The following INSR variants were observed in gnomAD, a reference collection of about 807,000 sequenced individuals.
The protein encoded by INSR is IR.
In INSR, 67 loss-of-function variants were observed where a neutral mutation model predicts 142.6. The ratio of observed to expected loss-of-function variants is 0.47; its 90% confidence interval spans 0.39 to 0.58. INSR has a LOEUF of 0.58. INSR is among the 20% of genes least tolerant of loss of function. The pLI, the probability that INSR is intolerant of heterozygous loss-of-function variation, is 0.00. For synonymous variants in INSR, 756 were observed against 743.1 expected (o/e 1.02, Z -0.28); for missense variants, 1,248 against 1,833.2 (o/e 0.68, Z 5.83).
At chr19:7,292,026 C>G (rs1348679032) in intron 1 of INSR, among the ~76,000 whole-genome samples, 1 of 151,826 alleles carries the variant, frequency 6.6e-6, no homozygotes, top group Non-Finnish European at 1.5e-5. Flanking sequence ...ATCTCCTGAA[C>G]TGGTGATCCA....
intron 2 of INSR, among the ~76,000 whole-genome samples, chr19:7,243,240 T>TC (rs1976420450): frequency 9.0e-6 from 1 of 111,608 alleles, no homozygotes; most frequent in African/African-American, 4.4e-5. Context: ...TTTGGTTTTT[T>TC]TTTTTTTTTT....
chr19:7,173,650 C>T (rs1378140282), intron 4 of INSR, among the ~76,000 whole-genome samples: 1 of 100,220 alleles, frequency 1.0e-5, no homozygotes, highest in African/African-American at 4.1e-5. Context: ...GATGGAGTCT[C>T]ACTCTGTCGC....
intron 1 of INSR, among the ~76,000 whole-genome samples, chr19:7,269,038 C>CCACACACACCCA (rs1555690133): frequency 6.8e-5 from 10 of 146,846 alleles, no homozygotes; most frequent in Non-Finnish European, 9.0e-5. Context: ...ACCCACACAC[C>CCACACACACCCA]CACACACACA....
intron 3 of INSR, among the ~76,000 whole-genome samples, chr19:7,182,289 G>A (rs1029641855): frequency 2.0e-5 from 3 of 151,894 alleles, no homozygotes; most frequent in South Asian, 2.1e-4. Context: ...AGCCAAGATC[G>A]CACCATTGCA....
chr19:7,162,953 C>G, intron 9 of INSR, 79 bp downstream of exon 9: 1 of 1,415,988 alleles, frequency 7.1e-7, no homozygotes, highest in Admixed American at 1.7e-5. Context: ...GAGATAGCTG[C>G]TTCCCTAGAG....
Position 7,159,790 on chromosome 19 carries a change from C to G in INSR, c.2029+3242G>C, listed in dbSNP as rs765576180. The G allele has an allele frequency of 2.6e-5, 4 of 152,264 alleles. No homozygotes were observed. The highest frequency in any genetic ancestry group is 4.4e-5 in the Non-Finnish European group (3 of 68,104). The allele number at this position is 152,264 out of a possible 1,614,324, so 9.4% of individuals were successfully genotyped here. A position where few individuals can be genotyped will look rare whatever the true frequency, so the allele number is the denominator to read the frequency against. Reference sequence around the variant, plus strand: ...ATCATCTGTCCTCCCGCCCCTTCTCCCAAAAAGGAGGCAGACGGTGACTTG... The same window carrying G: ...ATCATCTGTCCTCCCGCCCCTTCTCGCAAAAAGGAGGCAGACGGTGACTTG... On this transcript the variant is annotated intron_variant, in intron 9 of 21. Transcript: ENST00000302850. The surrounding 1 kb of genome is among the most constrained non-coding windows in gnomAD (Gnocchi z 4.3).
chr19:7,277,178 C>T (rs554017392), intron 1 of INSR, among the ~76,000 whole-genome samples: 15 of 152,282 alleles, frequency 9.9e-5, no homozygotes, highest in Admixed American at 8.5e-4. Flanking sequence ...GAAATTAGAG[C>T]TTGGACACAC....
intron 2 of INSR, among the ~76,000 whole-genome samples, chr19:7,260,537 C>T (rs1003674796): frequency 7.9e-5 from 12 of 152,188 alleles, no homozygotes; most frequent in Non-Finnish European, 1.5e-5. Flanking sequence ...ACCCATCCCT[C>T]ATCAGCAGGT....
chr19:7,173,412 A>G lies in INSR; in HGVS notation c.1124-978T>C, dbSNP rs531522470. 7.0e-4 allele frequency among the ~76,000 whole-genome samples: 106 copies of G among 150,970 alleles called. 1 individual carries two copies. Among genetic ancestry groups the G allele is most frequent in the Non-Finnish European group, 1.5e-5 (1 of 67,714 alleles). On this transcript the variant is annotated intron_variant, in intron 4 of 21. Coordinates refer to ENST00000302850, the MANE Select transcript of INSR (RefSeq NM_000208.4). ...CGGCTCACTGCAACCTCTGCCTCCC[A>G]GGTTCAAGTGATTCTCCTGCCTCAG...
intron 2 of INSR, among the ~76,000 whole-genome samples, chr19:7,219,085 G>A (rs949641987): frequency 6.6e-6 from 1 of 152,192 alleles, no homozygotes; most frequent in African/African-American, 2.4e-5. Flanking sequence ...GTGGTTTTCA[G>A]ACATATTTAA....
chr19:7,119,651 AACAC>A lies in INSR; in HGVS notation c.3660-72_3660-69del, dbSNP rs4031067. On this transcript the variant is annotated intron_variant, in intron 20 of 21. Transcript: ENST00000302850. The surrounding 1 kb of genome is among the most constrained non-coding windows in gnomAD (Gnocchi z 5.2). ...ACACACACACACACGCGCGCGCGCAAACACACACACGCAAACGCACACACACACG... is the reference window on the plus strand; with the variant it reads ...ACACACACACACACGCGCGCGCGCAAACACACGCAAACGCACACACACACG... The A allele has an allele frequency of 1.4e-6, 2 of 1,479,080 alleles. No individual in the cohort carries two copies. Among genetic ancestry groups the A allele is most frequent in the Middle Eastern group, 2.2e-4 (1 of 4,554 alleles). 91.6% of individuals were successfully genotyped at this position (1,479,080 alleles called of 1,614,324 possible).
chr19:7,117,992 GA>G, intron 21 of INSR, among the ~76,000 whole-genome samples: 1 of 150,074 alleles, frequency 6.7e-6, no homozygotes, highest in Non-Finnish European at 1.5e-5. Context: ...TTGCAGCCTT[GA>G]ACTCCTGGGC....
At chr19:7,140,645 G>A (rs1973045966) in intron 13 of INSR, among the ~76,000 whole-genome samples, 1 of 152,046 alleles carries the variant, frequency 6.6e-6, no homozygotes, top group African/African-American at 2.4e-5. Flanking sequence ...AGTCCCAAGA[G>A]GTATATTATT....
intron 9 of INSR, 64 bp from the exon 10 acceptor site, chr19:7,152,991 A>ACCCC (rs1568448888): frequency 1.2e-6 from 1 of 820,192 alleles, no homozygotes; most frequent in African/African-American, 2.1e-5. Context: ...ACACACACAC[A>ACCCC]CACACCCCAC....
At chr19:7,148,570 A>G (rs1599904156) in intron 11 of INSR, among the ~76,000 whole-genome samples, 1 of 123,674 alleles carries the variant, frequency 8.1e-6, no homozygotes, top group Non-Finnish European at 1.6e-5. Flanking sequence ...CTCCGCCTCC[A>G]GAAATCAAGT....
At chr19:7,138,050 A>AC (rs1568438755) in intron 13 of INSR, among the ~76,000 whole-genome samples, 1 of 141,224 alleles carries the variant, frequency 7.1e-6, no homozygotes. Context: ...TGCAAGCTCC[A>AC]CCTCCTGGGT....
intron 15 of INSR, among the ~76,000 whole-genome samples, chr19:7,127,487 T>G (rs1972674235): frequency 6.6e-6 from 1 of 152,200 alleles, no homozygotes; most frequent in Non-Finnish European, 1.5e-5. Context: ...CATACTACAT[T>G]TAAATATGAT....
intron 1 of INSR, among the ~76,000 whole-genome samples, chr19:7,288,966 A>C (rs1968418117): frequency 6.6e-6 from 1 of 151,780 alleles, no homozygotes; most frequent in South Asian, 2.1e-4. Flanking sequence ...AAAAAAAAAA[A>C]AAAAGTGAGC....
At chr19:7,160,548 C>A (rs1973721130) in intron 9 of INSR, among the ~76,000 whole-genome samples, 1 of 151,910 alleles carries the variant, frequency 6.6e-6, no homozygotes, top group Admixed American at 6.6e-5. Context: ...TCGTTTGAGC[C>A]CAGGAGTTCA....
Sources: allele counts gnomAD v4.1 joint callset (sites outside exome capture counted in the v4.1 genomes callset), GRCh38; gene constraint gnomAD v4.1.1; non-coding constraint Gnocchi (gnomAD v3.1); transcripts MANE v1.5; gene names NCBI Gene and HGNC (gene_info 2026-07-23, HGNC 2026-07-21).